The following CAMKK1 variants were observed in gnomAD, a reference collection of about 807,000 sequenced individuals.
CAMKK1 encodes the protein calcium/calmodulin-dependent protein kinase kinase 1.
CAMKK1 carries 20 observed loss-of-function variants against 63.5 expected under a neutral mutation model. That is an observed-to-expected ratio of 0.32 (90% CI 0.22 to 0.46). The LOEUF (loss-of-function observed/expected upper bound fraction) is 0.46, where lower values mean the gene tolerates loss of function less well. Ranked by LOEUF, CAMKK1 falls within the 20% of genes least tolerant of loss-of-function variation. The probability of loss-of-function intolerance (pLI) is 1.00; values close to 1 mark genes in which losing one functional copy is unlikely to be tolerated. For missense variants in CAMKK1, 588 were observed against 658.1 expected (o/e 0.89, Z 1.17); for synonymous variants, 253 against 269.0 (o/e 0.94, Z 0.58).
chr17:3,864,047 GACTCAA>G (rs2054417690), intron 15 of CAMKK1, among the ~76,000 whole-genome samples: 1 of 151,118 alleles, frequency 6.6e-6, no homozygotes, highest in Non-Finnish European at 1.5e-5. Context: ...CCACCTCCCA[GACTCAA>G]GCAATCCTCC....
chr17:3,866,081 C>T, intron 14 of CAMKK1, 70 bp from the exon 15 acceptor site: 1 of 1,567,152 alleles, frequency 6.4e-7, no homozygotes, highest in Non-Finnish European at 8.7e-7. Context: ...TGCTCCGATT[C>T]CCCGAGAGCA....
At chr17:3,868,063 G>A (rs2054622597) in intron 14 of CAMKK1, among the ~76,000 whole-genome samples, 1 of 82,262 alleles carries the variant, frequency 1.2e-5, no homozygotes, top group African/African-American at 6.1e-5. Flanking sequence ...TGGGGGAGAA[G>A]CAGGCGCAGT....
At chr17:3,891,109 TG>T (rs3048767) in intron 1 of CAMKK1, among the ~76,000 whole-genome samples, 11,907 of 133,002 alleles carry the variant, frequency 0.09, 474 homozygotes, top group Middle Eastern at 0.2. Flanking sequence ...GGGGCAAGGT[TG>T]GGGGGGGGGT....
At chr17:3,872,917 C>T (rs2054958021) in intron 11 of CAMKK1, among the ~76,000 whole-genome samples, 2 of 152,222 alleles carry the variant, frequency 1.3e-5, no homozygotes, top group East Asian at 3.8e-4. Context: ...GGCCAGGCCT[C>T]CACTCCCAGG....
chr17:3,876,498 G>T (rs2055161692), intron 9 of CAMKK1, 76 bp from the exon 10 acceptor site: 4 of 1,305,792 alleles, frequency 3.1e-6, no homozygotes, highest in Admixed American at 1.8e-5. Context: ...TCCTTGCACA[G>T]CCAGGGACGC....
intron 15 of CAMKK1, chr17:3,865,153 C>T: frequency 3.0e-6 from 3 of 985,614 alleles, no homozygotes; most frequent in Non-Finnish European, 3.6e-6. Flanking sequence ...CAGCACAGGC[C>T]TTATTAGCAT....
At position 3,890,872 on chromosome 17, in the gene CAMKK1, T is replaced by C; in HGVS notation, c.-44+2067A>G. On this transcript the variant is annotated intron_variant, in intron 1 of 15. Transcript: ENST00000348335. The surrounding 1 kb of genome is among the most constrained non-coding windows in gnomAD (Gnocchi z 6.5). ...TCTCCCCACTACCTGCTGGGTGAGC[T>C]CACCAAGTCAAACCCCTTAGAAGTC... The C allele has an allele frequency of 7.0e-6, 5 of 717,478 alleles. No homozygotes were observed. The highest frequency in any genetic ancestry group is 1.3e-5 in the Non-Finnish European group (5 of 384,124). The allele number at this position is 717,478 out of a possible 1,614,324, so 44.4% of individuals were successfully genotyped here. A position where few individuals can be genotyped will look rare whatever the true frequency, so the allele number is the denominator to read the frequency against.
chr17:3,870,990 T>C (rs1208517862), intron 12 of CAMKK1, among the ~76,000 whole-genome samples: 1 of 152,060 alleles, frequency 6.6e-6, no homozygotes, highest in Admixed American at 6.6e-5. Flanking sequence ...CGGAGACGTG[T>C]GAATGCTAGC....
In CAMKK1 at chr17:3,882,431, T is replaced by C. The variant is rs182731277; in HGVS notation, c.685+97A>G. 1.4e-5 allele frequency: 22 copies of C among 1,583,476 alleles called. No individual in the cohort carries two copies. Among genetic ancestry groups the C allele is most frequent in the African/African-American group, 1.2e-4 (9 of 74,326 alleles). ...TTTTCTTCTGTCCCCAGGAGGTCAG[T>C]GCATTTACACCGCCCACCTGAAGGT... On this transcript the variant is annotated intron_variant, in intron 7 of 15. Coordinates refer to ENST00000348335, the MANE Select transcript of CAMKK1 (RefSeq NM_032294.3). The surrounding 1 kb of genome is among the most constrained non-coding windows in gnomAD (Gnocchi z 4.3).
chr17:3,891,557 T>C (rs931551516), intron 1 of CAMKK1, among the ~76,000 whole-genome samples: 1 of 152,080 alleles, frequency 6.6e-6, no homozygotes, highest in Non-Finnish European at 1.5e-5. Context: ...CAGTGCTTGC[T>C]CAGTATGAAG....
Position 3,884,250 on chromosome 17 carries a change from A to G in CAMKK1, c.408+130T>C. 2.0e-6 allele frequency: 2 copies of G among 985,456 alleles called. No individual in the cohort carries two copies. The highest frequency in any genetic ancestry group is 3.2e-6 in the Non-Finnish European group (2 of 633,666). 61.0% of individuals were successfully genotyped at this position (985,456 alleles called of 1,614,324 possible). On this transcript the variant is annotated intron_variant, in intron 3 of 15. Transcript: ENST00000348335. This position sits in a 1 kb window ranked among gnomAD's most constrained non-coding sequence, Gnocchi z 4.5. ...GGTACCTGGGTACTTCCCACAGGGC[A>G]CGAAACTGTCCTCACCTCCAGGCTA... is the stretch of plus-strand genomic sequence containing the variant.
rs1597491356 is a variant in CAMKK1 at position 3,887,698 on chromosome 17, T to G, written c.-43-1968A>C. On this transcript the variant is annotated intron_variant, in intron 1 of 15. Coordinates refer to ENST00000348335, the MANE Select transcript of CAMKK1 (RefSeq NM_032294.3). The surrounding 1 kb of genome is among the most constrained non-coding windows in gnomAD (Gnocchi z 6.1). ...CATAAGGAGGCCTCCCCAGAGGAGG[T>G]GAGAGGCTGTGGCATAGGGAGGCCT... Among the ~76,000 whole-genome samples, 2 of 130,084 alleles carry G rather than the reference T, an allele frequency of 1.5e-5. No homozygotes were observed. Among genetic ancestry groups the G allele is most frequent in the East Asian group, 2.3e-4 (1 of 4,370 alleles). The allele number at this position is 130,084 out of a possible 152,430, so 85.3% of individuals were successfully genotyped here.
intron 14 of CAMKK1, among the ~76,000 whole-genome samples, chr17:3,868,269 G>A (rs76863750): frequency 5.1e-5 from 6 of 118,670 alleles, no homozygotes; most frequent in South Asian, 2.8e-4. Flanking sequence ...AGAAGCAGGC[G>A]CCGTCTAACT....
rs1416764281 is a variant in CAMKK1, at chr17:3,870,636, A to G, written c.1125-748T>C. Among the ~76,000 whole-genome samples the G allele has an allele frequency of 3.3e-5, 5 of 151,984 alleles. No homozygotes were observed. In the East Asian group the frequency reaches 9.7e-4, roughly 29 times the overall value. On this transcript the variant is annotated intron_variant, in intron 12 of 15. Transcript: ENST00000348335. ...TGCCTTGGCCTCCCAAAGTGCTGGG[A>G]TTACAGGCGTGAGCCACCACGCCCG...
At chr17:3,877,251 C>T (rs2055207939) in intron 9 of CAMKK1, among the ~76,000 whole-genome samples, 1 of 152,196 alleles carries the variant, frequency 6.6e-6, no homozygotes, top group African/African-American at 2.4e-5. Context: ...CCCTCGGGAT[C>T]TGGGCTGATG....
At chr17:3,865,625 G>T (rs2054489209) in intron 15 of CAMKK1, 2 of 1,282,814 alleles carry the variant, frequency 1.6e-6, no homozygotes, top group Non-Finnish European at 9.9e-7. Flanking sequence ...ATGGAAGAAG[G>T]GTCTTCCTGT....
At chr17:3,878,085 C>A (rs2055246445) in intron 9 of CAMKK1, among the ~76,000 whole-genome samples, 1 of 152,216 alleles carries the variant, frequency 6.6e-6, no homozygotes, top group South Asian at 2.1e-4. Context: ...ACCCCACATC[C>A]TGCTCATCAG....
rs1053610502 is a variant in CAMKK1, at chr17:3,862,933, G to A, written c.1446-650C>T. Among the ~76,000 whole-genome samples the A allele has an allele frequency of 4.6e-5, 7 of 152,006 alleles. No homozygotes were observed. The highest frequency in any genetic ancestry group is 2.1e-4 in the South Asian group (1 of 4,810). On this transcript the variant is annotated intron_variant, in intron 15 of 15. Coordinates refer to ENST00000348335, the MANE Select transcript of CAMKK1 (RefSeq NM_032294.3). The surrounding 1 kb of genome is among the most constrained non-coding windows in gnomAD (Gnocchi z 4.1). ...ATTGCAGGCGTGAGCCACCGTGCCC[G>A]GCCTGAGGGCCTTCTGTGTTGACCT...
rs918828300 is a variant in CAMKK1 at position 3,873,028 on chromosome 17, G to A, written c.1050+381C>T. 2.0e-5 allele frequency among the ~76,000 whole-genome samples: 3 copies of A among 152,354 alleles called. No homozygotes were observed. The East Asian group carries it at 5.8e-4, about 29-fold the overall frequency. ...GGGCAGGGATCACCGATACGTCAGC[G>A]TTGGGTGTCCCCAGGGTCCAGCCTC... On this transcript the variant is annotated intron_variant, in intron 11 of 15. Transcript: ENST00000348335.
Sources: allele counts gnomAD v4.1 joint callset (sites outside exome capture counted in the v4.1 genomes callset), GRCh38; gene constraint gnomAD v4.1.1; non-coding constraint Gnocchi (gnomAD v3.1); transcripts MANE v1.5; gene names NCBI Gene and HGNC (gene_info 2026-07-23, HGNC 2026-07-21).